The following GRIK2 variants were observed in gnomAD, a reference collection of about 807,000 sequenced individuals.
The protein encoded by GRIK2 is glutamate ionotropic receptor kainate type subunit 2.
A neutral mutation model predicts 100.3 loss-of-function variants in GRIK2; 32 were observed. That is an observed-to-expected ratio of 0.32 (90% CI 0.24 to 0.43). The LOEUF is 0.43. Among genes scored for constraint, GRIK2 ranks in the 20% least tolerant of loss-of-function variants. GRIK2 has a pLI of 1.00. For synonymous variants in GRIK2, 417 were observed against 389.4 expected, an observed-to-expected ratio of 1.07 and a Z score of -0.83; for missense variants, 843 against 1,114.9, an observed-to-expected ratio of 0.76 and a Z score of 3.47.
At chr6:101,622,532 T>C (rs1780215609) in intron 3 of GRIK2, among the ~76,000 whole-genome samples, 1 of 152,078 alleles carries the variant, frequency 6.6e-6, no homozygotes, top group Admixed American at 6.6e-5. Context: ...GAAAGTTATG[T>C]GGTTCTAAGT....
chr6:101,591,529 C>G (rs1203114292), intron 2 of GRIK2, among the ~76,000 whole-genome samples: 1 of 151,906 alleles, frequency 6.6e-6, no homozygotes, highest in Non-Finnish European at 1.5e-5. Flanking sequence ...TTTTTTCTCT[C>G]ATTTTCTTCT....
intron 7 of GRIK2, among the ~76,000 whole-genome samples, chr6:101,696,536 G>T (rs933910535): frequency 1.3e-5 from 2 of 151,802 alleles, no homozygotes; most frequent in African/African-American, 4.8e-5. Context: ...GTGGCCCTAG[G>T]AATAGTGACC....
intron 10 of GRIK2, among the ~76,000 whole-genome samples, chr6:101,834,733 G>T (rs1782951779): frequency 6.6e-6 from 1 of 152,006 alleles, no homozygotes; most frequent in East Asian, 1.9e-4. Flanking sequence ...AGTGTTCATG[G>T]TTTTTTTAAA....
intron 2 of GRIK2, among the ~76,000 whole-genome samples, chr6:101,546,276 T>A (rs1248742437): frequency 6.6e-6 from 1 of 152,148 alleles, no homozygotes; most frequent in African/African-American, 2.4e-5. Flanking sequence ...TCAGAAAAGG[T>A]GATAAATATT....
intron 16 of GRIK2, among the ~76,000 whole-genome samples, chr6:102,061,699 TAAAC>T (rs1222546076): frequency 6.6e-6 from 1 of 150,526 alleles, no homozygotes; most frequent in Non-Finnish European, 1.5e-5. Flanking sequence ...AAACAATGAA[TAAAC>T]AAGTTATGAA....
At chr6:101,596,853 T>C (rs763521805) in intron 2 of GRIK2, among the ~76,000 whole-genome samples, 3 of 151,428 alleles carry the variant, frequency 2.0e-5, no homozygotes, top group Admixed American at 1.3e-4. Flanking sequence ...GAACTAAAAA[T>C]AGAACTACCA....
rs1320593731 is a variant in GRIK2 at position 101,514,521 on chromosome 6, TA to T, written c.116-107426del. On this transcript the variant is annotated intron_variant, in intron 2 of 16. Coordinates refer to ENST00000369134, the MANE Select transcript of GRIK2 (RefSeq NM_021956.5). ...TTTAATGTTAAACTTATAATTTCTC[TA>T]ATATAGTTTTCCTTTTAGGGTTAAT... 6.6e-5 allele frequency among the ~76,000 whole-genome samples: 10 copies of T among 152,150 alleles called. No homozygotes were observed. In the East Asian group the frequency reaches 1.7e-3, roughly 26 times the overall value.
intron 14 of GRIK2, among the ~76,000 whole-genome samples, chr6:101,952,283 C>T (rs780441218): frequency 6.6e-6 from 1 of 152,118 alleles, no homozygotes; most frequent in Non-Finnish European, 1.5e-5. Context: ...GCTGAGTAAC[C>T]TTCAATGGTA....
chr6:101,420,447 G>T (rs2128240126), intron 2 of GRIK2, among the ~76,000 whole-genome samples: 1 of 152,250 alleles, frequency 6.6e-6, no homozygotes, highest in African/African-American at 2.4e-5. Flanking sequence ...CAAGAAAAAT[G>T]GTCATTTCAT....
chr6:101,687,372 A>T (rs144450914), intron 7 of GRIK2, among the ~76,000 whole-genome samples: 2 of 152,114 alleles, frequency 1.3e-5, no homozygotes, highest in African/African-American at 4.8e-5. Context: ...TGATATTTAC[A>T]TTTCATAGGA....
At chr6:101,736,117 T>C (rs921873560) in intron 7 of GRIK2, among the ~76,000 whole-genome samples, 13 of 152,194 alleles carry the variant, frequency 8.5e-5, no homozygotes, top group African/African-American at 3.1e-4. Context: ...ATGTAAGATG[T>C]GGGTTCCCAT....
intron 2 of GRIK2, among the ~76,000 whole-genome samples, chr6:101,597,901 A>G (rs1779000670): frequency 6.6e-6 from 1 of 151,524 alleles, no homozygotes; most frequent in East Asian, 1.9e-4. Context: ...TTACTGAGTC[A>G]CCTCTGGCTA....
At chr6:101,882,131 C>A (rs1360115902) in intron 11 of GRIK2, among the ~76,000 whole-genome samples, 6 of 151,992 alleles carry the variant, frequency 3.9e-5, no homozygotes, top group Non-Finnish European at 7.4e-5. Flanking sequence ...ATGGGGGAAA[C>A]CACTCCCATG....
At chr6:101,964,810 A>G (rs1373523875) in intron 14 of GRIK2, among the ~76,000 whole-genome samples, 2 of 152,196 alleles carry the variant, frequency 1.3e-5, no homozygotes, top group East Asian at 3.9e-4. Context: ...CTAGGCAGGG[A>G]GAACACAATG....
At chr6:101,680,868 A>T (rs955548796) in intron 5 of GRIK2, among the ~76,000 whole-genome samples, 4 of 152,182 alleles carry the variant, frequency 2.6e-5, no homozygotes, top group African/African-American at 9.7e-5. Context: ...TCCGAATATT[A>T]TTGGTTTATA....
At chr6:101,849,487 C>T (rs530311456) in intron 10 of GRIK2, among the ~76,000 whole-genome samples, 3 of 152,134 alleles carry the variant, frequency 2.0e-5, no homozygotes, top group Admixed American at 6.6e-5. Context: ...TCCTGAAAAG[C>T]ATAATTGTTC....
chr6:101,623,824 G>A (rs1780298738), intron 3 of GRIK2, among the ~76,000 whole-genome samples: 1 of 152,130 alleles, frequency 6.6e-6, no homozygotes, highest in Admixed American at 6.5e-5. Flanking sequence ...CTTTGTGAAT[G>A]TCATGGTTTG....
intron 10 of GRIK2, among the ~76,000 whole-genome samples, chr6:101,855,706 C>G (rs1224489005): frequency 4.6e-5 from 7 of 152,132 alleles, no homozygotes; most frequent in Admixed American, 3.9e-4. Context: ...CCAGCATAAA[C>G]AGTTTTTATT....
chr6:101,667,134 A>T (rs2128336429), intron 4 of GRIK2, among the ~76,000 whole-genome samples: 1 of 152,248 alleles, frequency 6.6e-6, no homozygotes, highest in African/African-American at 2.4e-5. Context: ...CTAAAATTTG[A>T]CATTGTTATG....
Sources: allele counts gnomAD v4.1 joint callset (sites outside exome capture counted in the v4.1 genomes callset), GRCh38; gene constraint gnomAD v4.1.1; transcripts MANE v1.5; gene names NCBI Gene and HGNC (gene_info 2026-07-23, HGNC 2026-07-21).